Variants in KCNMB1 observed in about 807,000 individuals in gnomAD.
KCNMB1 encodes the protein potassium calcium-activated channel subfamily M regulatory beta subunit 1.
In KCNMB1, 22 loss-of-function variants were observed where a neutral mutation model predicts 21.7. The ratio of observed to expected loss-of-function variants is 1.01; its 90% CI spans 0.72 to 1.45. The LOEUF is 1.45. Among genes scored for constraint, KCNMB1 ranks in the 40% most tolerant of loss-of-function variants. The pLI is 0.00. For missense variants in KCNMB1, 243 were observed against 243.4 expected, an observed-to-expected ratio of 1.00 and a Z score of 0.01; for synonymous variants, 114 against 107.6, an observed-to-expected ratio of 1.06 and a Z score of -0.37.
chr5:170,383,636 G>C (rs2113341519), intron 3 of KCNMB1, 43 bp downstream of exon 3: 1 of 1,605,964 alleles, frequency 6.2e-7, no homozygotes, highest in Non-Finnish European at 8.5e-7. Flanking sequence ...TCACACACCT[G>C]ACAGGGATAA....
In KCNMB1 at chr5:170,378,486, C is replaced by G; in HGVS notation, c.*218G>C. 1 of 575,132 alleles carries G rather than the reference C, an allele frequency of 1.7e-6. No homozygotes were observed. The highest frequency in any genetic ancestry group is 3.0e-6 in the Non-Finnish European group (1 of 330,824). 35.6% of individuals were successfully genotyped at this position (575,132 alleles called of 1,614,324 possible). On this transcript the variant is annotated 3_prime_UTR_variant, in exon 4 of 4. Coordinates refer to ENST00000274629, the MANE Select transcript of KCNMB1 (RefSeq NM_004137.4). ...GAGCTAGAACTGGCTGGCCTTATGG[C>G]CTCCAAGGCATTGGGGAGCCACTGT...
At position 170,378,801 on chromosome 5, in the gene KCNMB1, G is replaced by C; in HGVS notation, c.479C>G (p.Ser160Cys). ...CAGCAGGAAGGTGGGCCAGAAGAGG[G>C]AGAAGAGGAGGGCCTGGGGCCCGTA... ...RLYGPQALLF[S>C]LFWPTFLLTG... The change falls in exon 4 of 4, where the codon TCC becomes TGC. Residue 160 changes from serine to cysteine, a missense_variant. By Grantham distance (112) the Ser-to-Cys change is moderately radical. Coordinates refer to ENST00000274629, the MANE Select transcript of KCNMB1 (RefSeq NM_004137.4). The C allele has an allele frequency of 6.2e-7, 1 of 1,614,224 alleles. No individual in the cohort carries two copies. Among genetic ancestry groups the C allele is most frequent in the Middle Eastern group, 1.6e-4 (1 of 6,062 alleles).
At position 170,375,114 on chromosome 5, in the gene KCNMB1, T is replaced by G. The variant is rs979963912; in HGVS notation, c.*3590A>C. 6.6e-6 allele frequency: 1 copy of G among 152,238 alleles called. No homozygotes were observed. The highest frequency in any genetic ancestry group is 1.5e-5 in the Non-Finnish European group (1 of 68,040). The allele number at this position is 152,238 out of a possible 1,614,324, so 9.4% of individuals were successfully genotyped here. On this transcript the variant is annotated 3_prime_UTR_variant, in exon 4 of 4. Coordinates refer to ENST00000274629, the MANE Select transcript of KCNMB1 (RefSeq NM_004137.4). ...TTCCTTTCTTATTTTTCTTCCTTTTTTAACTTAAATTTTTGAGATAATTGT... is the reference window on the plus strand; with the variant it reads ...TTCCTTTCTTATTTTTCTTCCTTTTGTAACTTAAATTTTTGAGATAATTGT...
intron 2 of KCNMB1, among the ~76,000 whole-genome samples, chr5:170,384,306 G>A (rs1481958365): frequency 6.6e-6 from 1 of 152,246 alleles, no homozygotes; most frequent in African/African-American, 2.4e-5. Flanking sequence ...GAAAGGTCAA[G>A]TGACTTTGCT....
At chr5:170,380,455 C>T (rs1241969272) in intron 3 of KCNMB1, among the ~76,000 whole-genome samples, 2 of 152,232 alleles carry the variant, frequency 1.3e-5, no homozygotes, top group African/African-American at 2.4e-5. Flanking sequence ...TTGCAGGCCT[C>T]GGCCACTCCC....
chr5:170,383,526 C>T (rs1022875281), intron 3 of KCNMB1, 153 bp downstream of exon 3: 1 of 831,436 alleles, frequency 1.2e-6, no homozygotes, highest in African/African-American at 1.7e-5. Context: ...GACTCCAACA[C>T]AGAAGAGCTA....
At chr5:170,386,999 T>G (rs189468539) in intron 1 of KCNMB1, among the ~76,000 whole-genome samples, 131 of 152,284 alleles carry the variant, frequency 8.6e-4, no homozygotes, top group Non-Finnish European at 1.6e-3. Flanking sequence ...CCTCAATCTA[T>G]GCCGCCTGGA....
chr5:170,385,330 G>T lies in KCNMB1; in HGVS notation c.118C>A (p.Pro40Thr). Residue 40 changes from proline (P) to threonine (T), a missense_variant, in exon 2 of 4, where the codon CCC becomes ACC. By Grantham distance (38) the Pro-to-Thr change is conservative (BLOSUM62 -1). Coordinates refer to ENST00000274629, the MANE Select transcript of KCNMB1 (RefSeq NM_004137.4). ...TYYILVTTVL[P>T]LYQKSVWTQE... is the part of the protein sequence containing the mutation. ...GCTCAGTACCTTTTCTGGTAGAGGG[G>T]CAGCACAGTCGTGACCAGGATGTAG... The T allele has an allele frequency of 6.2e-7, 1 of 1,614,142 alleles. No individual in the cohort carries two copies. Among genetic ancestry groups the T allele is most frequent in the Non-Finnish European group, 8.5e-7 (1 of 1,180,018 alleles).
chr5:170,387,040 G>A (rs929694931), intron 1 of KCNMB1, among the ~76,000 whole-genome samples: 3 of 152,098 alleles, frequency 2.0e-5, no homozygotes, highest in African/African-American at 4.8e-5. Context: ...TGGTCCCCGC[G>A]TGATTTCCCA....
chr5:170,384,750 G>A (rs1172043071), intron 2 of KCNMB1, among the ~76,000 whole-genome samples: 2 of 152,216 alleles, frequency 1.3e-5, no homozygotes, highest in South Asian at 2.1e-4. Context: ...TCAAGTGGTT[G>A]ATATGTCATG....
chr5:170,385,588 T>C, intron 1 of KCNMB1, 117 bp from the exon 2 acceptor site: 1 of 980,158 alleles, frequency 1.0e-6, no homozygotes. Context: ...TTGTTTATAT[T>C]TGGAGCTTTG....
In KCNMB1 at chr5:170,375,785, C is replaced by T. The variant is rs1367802998; in HGVS notation, c.*2919G>A. On this transcript the variant is annotated 3_prime_UTR_variant, in exon 4 of 4. Coordinates refer to ENST00000274629, the MANE Select transcript of KCNMB1 (RefSeq NM_004137.4). ...AACTTAGATAGCACTTACCATATGTCACTATCCTAGGAAATTTACATAAAA... is the reference window on the plus strand; with the variant it reads ...AACTTAGATAGCACTTACCATATGTTACTATCCTAGGAAATTTACATAAAA... 1.3e-5 allele frequency: 2 copies of T among 152,056 alleles called. No homozygotes were observed. Among genetic ancestry groups the T allele is most frequent in the Non-Finnish European group, 2.9e-5 (2 of 67,958 alleles). 9.4% of individuals were successfully genotyped at this position (152,056 alleles called of 1,614,324 possible).
In KCNMB1 at chr5:170,378,974, C is replaced by T; in HGVS notation, c.307-1G>A. The T allele has an allele frequency of 1.2e-6, 2 of 1,613,112 alleles. No individual in the cohort carries two copies. Among genetic ancestry groups the T allele is most frequent in the South Asian group, 2.2e-5 (2 of 91,010 alleles). On this transcript the variant is annotated splice_acceptor_variant, in intron 3 of 3. Transcript: ENST00000274629. LOFTEE classifies it high-confidence loss of function. ...CCACGCTGCCTGGGATGTAGGAGCA[C>T]TGTGGGGAGAAACAAGAGCAGCTGT... is the stretch of plus-strand genomic sequence containing the variant.
intron 3 of KCNMB1, 105 bp downstream of exon 3, chr5:170,383,574 C>A: frequency 1.6e-6 from 2 of 1,269,880 alleles, no homozygotes; most frequent in South Asian, 1.2e-5. Flanking sequence ...GAGACCTGGT[C>A]AAGTGGGTTG....
At chr5:170,380,708 G>C (rs1349175608) in intron 3 of KCNMB1, among the ~76,000 whole-genome samples, 1 of 152,218 alleles carries the variant, frequency 6.6e-6, no homozygotes, top group Non-Finnish European at 1.5e-5. Context: ...AGCATCCTGA[G>C]CTGACGGTGA....
At chr5:170,382,487 C>G (rs1181190282) in intron 3 of KCNMB1, among the ~76,000 whole-genome samples, 1 of 152,104 alleles carries the variant, frequency 6.6e-6, no homozygotes. Flanking sequence ...CTGCATACAC[C>G]CCATCATGGG....
chr5:170,378,609 G>T lies in KCNMB1; in HGVS notation c.*95C>A. Reference sequence around the variant, plus strand: ...ATTGGACTGGAAGAGTGGGAGGGCAGGTGGAGAAGGCATTGTGCTGCAAGT... The same window carrying T: ...ATTGGACTGGAAGAGTGGGAGGGCATGTGGAGAAGGCATTGTGCTGCAAGT... On this transcript the variant is annotated 3_prime_UTR_variant, in exon 4 of 4. Coordinates refer to ENST00000274629, the MANE Select transcript of KCNMB1 (RefSeq NM_004137.4). 1.5e-6 allele frequency: 2 copies of T among 1,296,212 alleles called. No homozygotes were observed. The highest frequency in any genetic ancestry group is 2.1e-6 in the Non-Finnish European group (2 of 937,792). 80.3% of individuals were successfully genotyped at this position (1,296,212 alleles called of 1,614,324 possible).
chr5:170,375,431 T>A lies in KCNMB1; in HGVS notation c.*3273A>T, dbSNP rs1280854953. 6.6e-6 allele frequency: 1 copy of A among 152,304 alleles called. No individual in the cohort carries two copies. The highest frequency in any genetic ancestry group is 1.5e-5 in the Non-Finnish European group (1 of 68,096). 9.4% of individuals were successfully genotyped at this position (152,304 alleles called of 1,614,324 possible). A position where few individuals can be genotyped will look rare whatever the true frequency, so the allele number is the denominator to read the frequency against. Reference sequence around the variant, plus strand: ...TGGAATTGGCAGATGCTGGTGCAGATGCCAGGGCCTCCCCTCAGAACTCCA... The same window carrying A: ...TGGAATTGGCAGATGCTGGTGCAGAAGCCAGGGCCTCCCCTCAGAACTCCA... On this transcript the variant is annotated 3_prime_UTR_variant, in exon 4 of 4. Transcript: ENST00000274629.
chr5:170,386,432 G>A (rs1038973581), intron 1 of KCNMB1, among the ~76,000 whole-genome samples: 2 of 152,176 alleles, frequency 1.3e-5, no homozygotes, highest in Non-Finnish European at 2.9e-5. Flanking sequence ...AATTTCTGTC[G>A]TTTGAGGCCG....
Sources: allele counts gnomAD v4.1 joint callset (sites outside exome capture counted in the v4.1 genomes callset), GRCh38; gene constraint gnomAD v4.1.1; transcripts MANE v1.5; gene names NCBI Gene and HGNC (gene_info 2026-07-23, HGNC 2026-07-21).